The following CTXND1 variants were observed in gnomAD, a reference collection of about 807,000 sequenced individuals.
The protein encoded by CTXND1 is cortexin domain containing 1, also known as cortexin domain-containing 1 protein.
At chr15:80,244,964 C>G (rs1893612003) in intron 1 of CTXND1, among the ~76,000 whole-genome samples, 1 of 152,082 alleles carries the variant, frequency 6.6e-6, no homozygotes. Context: ...AGCCCAAATC[C>G]CATTTATCAG....
rs1344529520 is a variant in CTXND1, at chr15:80,198,017, C to T, written c.*3753G>A. ...GCTAGGGTCCTACTATACATATCCA[C>T]CTGTCTGAGCATCCTTAGAGGCCAC... On this transcript the variant is annotated 3_prime_UTR_variant, in exon 3 of 3. Coordinates refer to ENST00000560778, the MANE Select transcript of CTXND1 (RefSeq NM_001352888.2). 6.6e-6 allele frequency: 1 copy of T among 152,192 alleles called. No homozygotes were observed. 9.4% of individuals were successfully genotyped at this position (152,192 alleles called of 1,614,324 possible).
rs2041432649 is a variant in CTXND1, at chr15:80,198,655, C to T, written c.*3115G>A. 1 of 152,176 alleles carries T rather than the reference C, an allele frequency of 6.6e-6. No individual in the cohort carries two copies. The highest frequency in any genetic ancestry group is 6.5e-5 in the Admixed American group (1 of 15,272). 9.4% of individuals were successfully genotyped at this position (152,176 alleles called of 1,614,324 possible). A position where few individuals can be genotyped will look rare whatever the true frequency, so the allele number is the denominator to read the frequency against. The stretch of plus-strand genomic sequence containing the variant: ...TCCAGTTCTTAGACAGGTCTCCCTC[C>T]CCCATGTGCTCCATGTGTCTCTTAA... On this transcript the variant is annotated 3_prime_UTR_variant, in exon 3 of 3. Coordinates refer to ENST00000560778, the MANE Select transcript of CTXND1 (RefSeq NM_001352888.2).
chr15:80,206,026 T>C (rs911946016), intron 1 of CTXND1, among the ~76,000 whole-genome samples: 11 of 151,848 alleles, frequency 7.2e-5, no homozygotes, highest in Non-Finnish European at 1.3e-4. Context: ...CACAGAGAAG[T>C]TGAAAGAATT....
intron 1 of CTXND1, among the ~76,000 whole-genome samples, chr15:80,204,168 AAATAT>A (rs1893119600): frequency 4.9e-5 from 1 of 20,410 alleles, no homozygotes; most frequent in Non-Finnish European, 8.1e-5. Flanking sequence ...AAAAAAAAAA[AAATAT>A]ATATATATAT....
At chr15:80,222,872 T>C (rs1386606400) in intron 1 of CTXND1, among the ~76,000 whole-genome samples, 2 of 152,160 alleles carry the variant, frequency 1.3e-5, no homozygotes, top group Admixed American at 1.3e-4. Context: ...TTAGATATAT[T>C]TGTTATAAAT....
chr15:80,215,339 T>G (rs1376074752), intron 1 of CTXND1, among the ~76,000 whole-genome samples: 6 of 152,224 alleles, frequency 3.9e-5, no homozygotes, highest in Non-Finnish European at 8.8e-5. Context: ...TGTTAGTACT[T>G]CCATTGAACA....
At chr15:80,213,969 G>A (rs199782117) in intron 1 of CTXND1, among the ~76,000 whole-genome samples, 1 of 151,884 alleles carries the variant, frequency 6.6e-6, no homozygotes, top group Non-Finnish European at 1.5e-5. Context: ...ATGAAGGGAG[G>A]AAAGGCATAT....
At chr15:80,206,746 C>T (rs11072886) in intron 1 of CTXND1, among the ~76,000 whole-genome samples, 9,483 of 152,072 alleles carry the variant, frequency 0.062, 314 homozygotes, top group Middle Eastern at 0.12. Context: ...ACTTTCACCT[C>T]CTTTTCCCAT....
chr15:80,216,763 C>T (rs541983686), intron 1 of CTXND1, among the ~76,000 whole-genome samples: 7 of 152,144 alleles, frequency 4.6e-5, no homozygotes, highest in Admixed American at 6.5e-5. Flanking sequence ...TACAGGGGCA[C>T]GCCACCATGC....
chr15:80,231,787 A>T (rs1039584954), intron 1 of CTXND1, among the ~76,000 whole-genome samples: 7 of 152,194 alleles, frequency 4.6e-5, no homozygotes, highest in African/African-American at 1.4e-4. Context: ...AACTTTTATT[A>T]AAAAATTTTC....
chr15:80,219,116 A>AT lies in CTXND1; in HGVS notation c.-217-15377dup, dbSNP rs1331940701. Reference sequence around the variant, plus strand: ...CCAGCTAATTTTTTTTTTTTTTTGTATTTTTTTTGGTAGAGTGAGGGTCTC... The same window carrying AT: ...CCAGCTAATTTTTTTTTTTTTTTGTATTTTTTTTTGGTAGAGTGAGGGTCTC... On this transcript the variant is annotated intron_variant, in intron 1 of 2. Coordinates refer to ENST00000560778, the MANE Select transcript of CTXND1 (RefSeq NM_001352888.2). 5.7e-3 allele frequency among the ~76,000 whole-genome samples: 706 copies of AT among 122,864 alleles called. 7 individuals carry two copies. Among genetic ancestry groups the AT allele is most frequent in the African/African-American group, 0.02 (673 of 33,156 alleles). The allele number at this position is 122,864 out of a possible 152,430, so 80.6% of individuals were successfully genotyped here. A position where few individuals can be genotyped will look rare whatever the true frequency, so the allele number is the denominator to read the frequency against.
intron 1 of CTXND1, among the ~76,000 whole-genome samples, chr15:80,214,288 A>G (rs1242264742): frequency 1.3e-5 from 2 of 152,162 alleles, no homozygotes; most frequent in African/African-American, 2.4e-5. Flanking sequence ...ACATTTAAAG[A>G]TAACATTTAA....
chr15:80,230,695 G>C (rs1423472866), intron 1 of CTXND1, among the ~76,000 whole-genome samples: 9 of 152,074 alleles, frequency 5.9e-5, no homozygotes, highest in Non-Finnish European at 1.3e-4. Context: ...GTTCCTTTAA[G>C]TAGTGTTTTG....
chr15:80,208,275 A>G (rs1055644120), intron 1 of CTXND1, among the ~76,000 whole-genome samples: 2 of 152,266 alleles, frequency 1.3e-5, no homozygotes, highest in Admixed American at 6.5e-5. Context: ...ACATATGCAC[A>G]TACACACAAT....
At chr15:80,237,408 A>T (rs1345529216) in intron 1 of CTXND1, among the ~76,000 whole-genome samples, 1 of 151,926 alleles carries the variant, frequency 6.6e-6, no homozygotes, top group African/African-American at 2.4e-5. Flanking sequence ...CAGGTCCTTC[A>T]GGAAGTATTC....
chr15:80,243,026 T>A (rs1893588571), intron 1 of CTXND1, among the ~76,000 whole-genome samples: 1 of 152,228 alleles, frequency 6.6e-6, no homozygotes, highest in Non-Finnish European at 1.5e-5. Flanking sequence ...TGTGACCACA[T>A]GAGCTGCAGC....
intron 1 of CTXND1, among the ~76,000 whole-genome samples, chr15:80,249,311 G>A (rs1893667964): frequency 6.6e-6 from 1 of 152,108 alleles, no homozygotes; most frequent in Non-Finnish European, 1.5e-5. Context: ...CCATCCTAAG[G>A]ACAGGGATAG....
At position 80,196,742 on chromosome 15, in the gene CTXND1, C is replaced by G. The variant is rs2041422389; in HGVS notation, c.*5028G>C. On this transcript the variant is annotated 3_prime_UTR_variant, in exon 3 of 3. Coordinates refer to ENST00000560778, the MANE Select transcript of CTXND1 (RefSeq NM_001352888.2). ...TTGTGCTGGTTTTTCTTCTTTTGCT[C>G]CAGTGTGCTGCCTATGTGGACCGTA... 6.6e-6 allele frequency: 1 copy of G among 152,184 alleles called. No homozygotes were observed. Among genetic ancestry groups the G allele is most frequent in the Admixed American group, 6.6e-5 (1 of 15,266 alleles). 9.4% of individuals were successfully genotyped at this position (152,184 alleles called of 1,614,324 possible). A position where few individuals can be genotyped will look rare whatever the true frequency, so the allele number is the denominator to read the frequency against.
At chr15:80,250,275 C>G (rs917064537) in intron 1 of CTXND1, among the ~76,000 whole-genome samples, 1 of 151,898 alleles carries the variant, frequency 6.6e-6, no homozygotes, top group South Asian at 2.1e-4. Flanking sequence ...GAAAGACACA[C>G]GCAATTCTGT....
Sources: gnomAD v4.1 joint callset for allele counts (sites outside exome capture counted in the v4.1 genomes callset) on GRCh38, gnomAD v4.1.1 for gene constraint, MANE v1.5 for transcripts, NCBI Gene and HGNC (gene_info 2026-07-23, HGNC 2026-07-21) for gene names.